The following CHSY3 variants were observed in gnomAD, a reference collection of about 807,000 sequenced individuals.
The protein encoded by CHSY3 is N-acetylgalactosaminyl-proteoglycan 3-beta-glucuronosyltransferase 3.
A neutral mutation model predicts 67.2 loss-of-function variants in CHSY3; 35 were observed. The observed-to-expected ratio is 0.52, with a 90% CI of 0.40 to 0.69. The LOEUF is 0.69. Among genes scored for constraint, CHSY3 ranks in the 30% least tolerant of loss-of-function variants. CHSY3 has a pLI of 0.00. For missense variants in CHSY3, 1,069 were observed against 1,138.5 expected (o/e 0.94, Z 0.88); for synonymous variants, 474 against 434.7 (o/e 1.09, Z -1.12).
chr5:130,016,792 G>A (rs1474107626), intron 2 of CHSY3, among the ~76,000 whole-genome samples: 3 of 152,200 alleles, frequency 2.0e-5, no homozygotes, highest in Non-Finnish European at 4.4e-5. Context: ...AATTAGGCAT[G>A]CGACTATGCT....
rs376975711 is a variant in CHSY3, at chr5:129,999,124, CT to C, written c.1086+90777del. On this transcript the variant is annotated intron_variant, in intron 2 of 2. Coordinates refer to ENST00000305031, the MANE Select transcript of CHSY3 (RefSeq NM_175856.5). Reference sequence around the variant, plus strand: ...AAATACAGATCTAGCTCCCCCCTCCCTTTTTTTTTTTTTGTTTCCTGTGTGG... The same window carrying C: ...AAATACAGATCTAGCTCCCCCCTCCCTTTTTTTTTTTTGTTTCCTGTGTGG... Among the ~76,000 whole-genome samples the C allele has an allele frequency of 2.6e-3, 370 of 141,622 alleles. 4 individuals carry two copies. The highest frequency in any genetic ancestry group is 7.2e-3 in the African/African-American group (279 of 38,954). 92.9% of individuals were successfully genotyped at this position (141,622 alleles called of 152,430 possible).
intron 2 of CHSY3, among the ~76,000 whole-genome samples, chr5:129,952,769 G>T (rs2149602168): frequency 6.6e-6 from 1 of 152,300 alleles, no homozygotes; most frequent in Middle Eastern, 3.4e-3. Flanking sequence ...TAGGATGAGT[G>T]CTGAGACAGG....
In CHSY3 at chr5:130,173,844, T is replaced by A. The variant is rs527343735; in HGVS notation, c.1087-10385T>A. ...ATATTGAGAATCAGGCTTTTTTTTT[T>A]ATTTTACCATTATTACCAGAGAAGT... On this transcript the variant is annotated intron_variant, in intron 2 of 2. Coordinates refer to ENST00000305031, the MANE Select transcript of CHSY3 (RefSeq NM_175856.5). 2.0e-3 allele frequency among the ~76,000 whole-genome samples: 304 copies of A among 151,892 alleles called. 1 individual carries two copies. Among genetic ancestry groups the A allele is most frequent in the African/African-American group, 6.8e-3 (279 of 41,316 alleles).
chr5:129,970,876 T>A (rs1196850801), intron 2 of CHSY3, among the ~76,000 whole-genome samples: 1 of 151,842 alleles, frequency 6.6e-6, no homozygotes, highest in Non-Finnish European at 1.5e-5. Context: ...GAAACATGAG[T>A]TACTGTTTAT....
intron 2 of CHSY3, among the ~76,000 whole-genome samples, chr5:130,133,415 C>A (rs1024933249): frequency 2.0e-5 from 3 of 151,946 alleles, no homozygotes; most frequent in Non-Finnish European, 2.9e-5. Flanking sequence ...ATTAGTGAAC[C>A]ATTACAATCT....
intron 2 of CHSY3, among the ~76,000 whole-genome samples, chr5:130,017,856 T>C (rs943856825): frequency 3.3e-5 from 5 of 152,108 alleles, no homozygotes; most frequent in Non-Finnish European, 7.4e-5. Flanking sequence ...GAAAAACAGC[T>C]TTGTTTGCAT....
intron 2 of CHSY3, among the ~76,000 whole-genome samples, chr5:130,058,622 G>T (rs769179476): frequency 6.6e-6 from 1 of 152,084 alleles, no homozygotes; most frequent in Non-Finnish European, 1.5e-5. Flanking sequence ...GTGAAACTTC[G>T]TCTCAAAAAG....
Position 129,954,587 on chromosome 5 carries a change from C to G in CHSY3, c.1086+46227C>G, listed in dbSNP as rs545720814. Among the ~76,000 whole-genome samples the G allele has an allele frequency of 2.0e-5, 3 of 151,938 alleles. No homozygotes were observed. The South Asian group carries it at 6.2e-4, about 32-fold the overall frequency. Reference sequence around the variant, plus strand: ...TTACTTTGGTCCGTATGGCCATTTTCACAATATTGATTCTTCCTATCCATG... The same window carrying G: ...TTACTTTGGTCCGTATGGCCATTTTGACAATATTGATTCTTCCTATCCATG... On this transcript the variant is annotated intron_variant, in intron 2 of 2. Coordinates refer to ENST00000305031, the MANE Select transcript of CHSY3 (RefSeq NM_175856.5).
intron 1 of CHSY3, among the ~76,000 whole-genome samples, chr5:129,907,795 T>C (rs1483466109): frequency 2.0e-5 from 3 of 152,236 alleles, no homozygotes; most frequent in Non-Finnish European, 4.4e-5. Context: ...TTTACTTTCC[T>C]TGTCATTATT....
At chr5:129,916,660 A>C (rs1244827050) in intron 2 of CHSY3, among the ~76,000 whole-genome samples, 1 of 152,216 alleles carries the variant, frequency 6.6e-6, no homozygotes, top group Non-Finnish European at 1.5e-5. Context: ...TAAATTGAAA[A>C]TGTTCTGCCT....
At chr5:129,907,940 A>T in intron 1 of CHSY3, 137 bp from the exon 2 acceptor site, 1 of 1,418,128 alleles carries the variant, frequency 7.1e-7, no homozygotes, top group Non-Finnish European at 9.3e-7. Context: ...AGAGTATTGG[A>T]AGAGGCTTTT....
intron 2 of CHSY3, chr5:130,141,942 GCTGA>G (rs201669690): frequency 0.017 from 3,649 of 220,524 alleles, 147 homozygotes; most frequent in African/African-American, 0.08. Context: ...CATTGAAGAG[GCTGA>G]CTAAGTCAGC....
At chr5:130,025,404 C>T (rs1316158937) in intron 2 of CHSY3, among the ~76,000 whole-genome samples, 1 of 152,064 alleles carries the variant, frequency 6.6e-6, no homozygotes, top group African/African-American at 2.4e-5. Context: ...AAGTAAGGAA[C>T]TCAGACAAGC....
chr5:129,938,005 C>T (rs1003098134), intron 2 of CHSY3, among the ~76,000 whole-genome samples: 3 of 152,164 alleles, frequency 2.0e-5, no homozygotes, highest in African/African-American at 7.2e-5. Context: ...ACCCCTGCAG[C>T]AAACCTCTGC....
At chr5:130,096,039 T>C (rs559216799) in intron 2 of CHSY3, among the ~76,000 whole-genome samples, 1 of 152,270 alleles carries the variant, frequency 6.6e-6, no homozygotes, top group South Asian at 2.1e-4. Context: ...CTCAAGGTCA[T>C]GAATGATAAG....
At chr5:129,995,023 T>A (rs535959470) in intron 2 of CHSY3, among the ~76,000 whole-genome samples, 16 of 152,218 alleles carry the variant, frequency 1.1e-4, no homozygotes, top group African/African-American at 3.6e-4. Context: ...ATTGTGCACA[T>A]GTAACCTAAA....
Position 129,981,245 on chromosome 5 carries a change from CTA to C in CHSY3, c.1086+72889_1086+72890del, listed in dbSNP as rs564030996. On this transcript the variant is annotated intron_variant, in intron 2 of 2. Transcript: ENST00000305031. Reference sequence around the variant, plus strand: ...CAAACAAAAAAAAAAGATCAATCGACTATATTTATGTGGATCTATTTCTGAGC... The same window carrying C: ...CAAACAAAAAAAAAAGATCAATCGACTATTTATGTGGATCTATTTCTGAGC... Among the ~76,000 whole-genome samples, 255 of 151,710 alleles carry C rather than the reference CTA, an allele frequency of 1.7e-3. 1 individual carries two copies. The highest frequency in any genetic ancestry group is 5.9e-3 in the African/African-American group (244 of 41,418).
At chr5:130,040,533 G>A (rs1370617883) in intron 2 of CHSY3, among the ~76,000 whole-genome samples, 2 of 152,244 alleles carry the variant, frequency 1.3e-5, no homozygotes, top group Admixed American at 1.3e-4. Flanking sequence ...GCTCAGCACA[G>A]CCAAGAATTT....
At chr5:129,936,083 A>C (rs1294736197) in intron 2 of CHSY3, among the ~76,000 whole-genome samples, 1 of 152,236 alleles carries the variant, frequency 6.6e-6, no homozygotes, top group African/African-American at 2.4e-5. Flanking sequence ...ATTAATACAC[A>C]TGTCCTTATG....
Sources: gnomAD v4.1 joint callset for allele counts (sites outside exome capture counted in the v4.1 genomes callset) on GRCh38, gnomAD v4.1.1 for gene constraint, MANE v1.5 for transcripts, NCBI Gene and HGNC (gene_info 2026-07-23, HGNC 2026-07-21) for gene names.